C8A: variants seen among roughly 807,000 people sequenced by gnomAD.
C8A encodes the protein complement component C8 alpha chain.
A neutral mutation model predicts 65.3 loss-of-function variants in C8A; 67 were observed. The ratio of observed to expected loss-of-function variants is 1.03; its 90% CI spans 0.84 to 1.26. C8A has a LOEUF of 1.26. C8A is among the 50% of genes most tolerant of loss of function. C8A has a pLI of 0.00. For synonymous variants in C8A, 290 were observed against 259.4 expected (o/e 1.12, Z -1.13); for missense variants, 781 against 723.9 (o/e 1.08, Z -0.90).
intron 1 of C8A, among the ~76,000 whole-genome samples, chr1:56,865,429 G>T (rs1644075931): frequency 6.6e-6 from 1 of 152,192 alleles, no homozygotes; most frequent in Non-Finnish European, 1.5e-5. Flanking sequence ...GGATGTGGGA[G>T]GTCCCTGTGA....
Position 56,908,128 on chromosome 1 carries a change from A to C in C8A, c.1380+15A>C. On this transcript the variant is annotated intron_variant, in intron 9 of 10. Coordinates refer to ENST00000361249, the MANE Select transcript of C8A (RefSeq NM_000562.3). Reference sequence around the variant, plus strand: ...TCGATTTTGAGGTAAGTCTTTTCGCAGTTGAAGAAACTCTACGTCCATGAG... The same window carrying C: ...TCGATTTTGAGGTAAGTCTTTTCGCCGTTGAAGAAACTCTACGTCCATGAG... The C allele has an allele frequency of 6.2e-7, 1 of 1,613,530 alleles. No individual in the cohort carries two copies. Among genetic ancestry groups the C allele is most frequent in the South Asian group, 1.1e-5 (1 of 91,068 alleles).
chr1:56,901,853 C>T (rs1480140395), intron 7 of C8A, among the ~76,000 whole-genome samples: 1 of 152,070 alleles, frequency 6.6e-6, no homozygotes, highest in Non-Finnish European at 1.5e-5. Context: ...GTGTCAGAGT[C>T]CTCCTCGCAC....
At chr1:56,904,372 C>A (rs940095448) in intron 7 of C8A, among the ~76,000 whole-genome samples, 5 of 152,210 alleles carry the variant, frequency 3.3e-5, no homozygotes, top group South Asian at 4.1e-4. Flanking sequence ...GATTGGTCTT[C>A]ATTTAAGATA....
chr1:56,856,369 C>T (rs1434262093), intron 1 of C8A, among the ~76,000 whole-genome samples: 1 of 152,124 alleles, frequency 6.6e-6, no homozygotes, highest in East Asian at 1.9e-4. Context: ...CATGAAAGTA[C>T]TTAGATCAAT....
At chr1:56,894,403 A>G (rs1432346389) in intron 7 of C8A, among the ~76,000 whole-genome samples, 3 of 152,212 alleles carry the variant, frequency 2.0e-5, no homozygotes, top group African/African-American at 7.2e-5. Context: ...AACTCTCATC[A>G]CTATCTTTCA....
intron 6 of C8A, among the ~76,000 whole-genome samples, chr1:56,884,060 G>T (rs1402939838): frequency 6.9e-6 from 1 of 144,388 alleles, no homozygotes; most frequent in African/African-American, 2.7e-5. Context: ...TAGAAGGACT[G>T]GTATGCTAAA....
chr1:56,881,317 C>G, intron 4 of C8A, 128 bp from the exon 5 acceptor site: 6 of 919,624 alleles, frequency 6.5e-6, no homozygotes, highest in Non-Finnish European at 1.1e-5. Context: ...GGGGTACATG[C>G]GCAGGATGTG....
At chr1:56,899,020 G>A (rs1644405946) in intron 7 of C8A, among the ~76,000 whole-genome samples, 3 of 151,966 alleles carry the variant, frequency 2.0e-5, no homozygotes, top group South Asian at 2.1e-4. Flanking sequence ...CCAGTCACCC[G>A]AACAGACAGT....
intron 2 of C8A, among the ~76,000 whole-genome samples, chr1:56,871,318 G>A (rs955250949): frequency 7.9e-5 from 12 of 152,182 alleles, no homozygotes; most frequent in East Asian, 3.9e-4. Flanking sequence ...AAAAGCTTCC[G>A]CGGCTGACCG....
chr1:56,885,342 A>G lies in C8A; in HGVS notation c.856-585A>G, dbSNP rs59567194. Among the ~76,000 whole-genome samples, 242 of 94,646 alleles carry G rather than the reference A, an allele frequency of 2.6e-3. 4 individuals carry two copies. Among genetic ancestry groups the G allele is most frequent in the South Asian group, 0.011 (28 of 2,436 alleles). The allele number at this position is 94,646 out of a possible 152,430, so 62.1% of individuals were successfully genotyped here. On this transcript the variant is annotated intron_variant, in intron 6 of 10. Transcript: ENST00000361249. ...TATATTTATTTAAATATATATTTAC[A>G]TAAATATATATTTATGTAAATATAT...
chr1:56,883,015 G>T (rs1281412876), intron 5 of C8A, among the ~76,000 whole-genome samples: 1 of 150,260 alleles, frequency 6.7e-6, no homozygotes, highest in Non-Finnish European at 1.5e-5. Context: ...AGACAGCAGA[G>T]AAATGAAATC....
At position 56,896,726 on chromosome 1, in the gene C8A, CAT is replaced by C. The variant is rs371447713; in HGVS notation, c.1097-9940_1097-9939del. On this transcript the variant is annotated intron_variant, in intron 7 of 10. Coordinates refer to ENST00000361249, the MANE Select transcript of C8A (RefSeq NM_000562.3). ...AAATTAACCATCATAGGAAGATAGA[CAT>C]GTGGGAAAGCTGGAAGCAGATGTCA... Among the ~76,000 whole-genome samples the C allele has an allele frequency of 3.6e-3, 552 of 152,264 alleles. 3 individuals are homozygous for C. Among genetic ancestry groups the C allele is most frequent in the African/African-American group, 0.013 (533 of 41,558 alleles).
In C8A at chr1:56,908,025, G is replaced by A. The variant is rs1226929156; in HGVS notation, c.1292G>A (p.Ser431Asn). 6.2e-7 allele frequency: 1 copy of A among 1,614,166 alleles called. No homozygotes were observed. Among genetic ancestry groups the A allele is most frequent in the South Asian group, 1.1e-5 (1 of 91,078 alleles). The change falls in exon 9 of 11, where the codon AGC becomes AAC. Residue 431 changes from serine (S) to asparagine (N), a missense_variant. Coordinates refer to ENST00000361249, the MANE Select transcript of C8A (RefSeq NM_000562.3). ...GTGCGAGGTGGCAGTTCTGGCTGGA[G>A]CGGTGGCTTGGCACAGAACAGGAGC... ...SRVRGGSSGW[S>N]GGLAQNRSTI...
At chr1:56,908,981 G>C (rs1211996226) in intron 9 of C8A, among the ~76,000 whole-genome samples, 1 of 152,150 alleles carries the variant, frequency 6.6e-6, no homozygotes, top group Non-Finnish European at 1.5e-5. Context: ...AGGTGTTACT[G>C]GCATCCAGGA....
At chr1:56,912,298 G>T in intron 9 of C8A, 105 bp from the exon 10 acceptor site, 1 of 984,450 alleles carries the variant, frequency 1.0e-6, no homozygotes. Flanking sequence ...CTGTGTCTGT[G>T]CCTGGCATGT....
At chr1:56,875,367 A>G (rs532303222) in intron 3 of C8A, among the ~76,000 whole-genome samples, 2 of 152,308 alleles carry the variant, frequency 1.3e-5, no homozygotes, top group East Asian at 1.9e-4. Flanking sequence ...TTGACCACAT[A>G]TTATGTGCCA....
At chr1:56,907,422 A>C (rs893509867) in intron 8 of C8A, among the ~76,000 whole-genome samples, 2 of 152,108 alleles carry the variant, frequency 1.3e-5, no homozygotes, top group African/African-American at 4.8e-5. Context: ...CTTAAGTCAA[A>C]TTGTTTCTTC....
rs765558711 is a variant in C8A at position 56,908,063 on chromosome 1, C to A, written c.1330C>A (p.Arg444Ser). The change falls in exon 9 of 11, where the codon CGT becomes AGT. Residue 444 changes from arginine (R) to serine (S), a missense_variant. Physicochemically the swap from Arg to Ser is moderately radical, Grantham distance 110. Transcript: ENST00000361249. ...LAQNRSTITY[R>S]SWGRSLKYNP... Reference sequence around the variant, plus strand: ...ACAGAACAGGAGCACCATTACATACCGTTCCTGGGGGAGGTCATTAAAGTA... The same window carrying A: ...ACAGAACAGGAGCACCATTACATACAGTTCCTGGGGGAGGTCATTAAAGTA... 6.2e-7 allele frequency: 1 copy of A among 1,614,090 alleles called. No homozygotes were observed. The highest frequency in any genetic ancestry group is 1.7e-5 in the Admixed American group (1 of 60,010).
chr1:56,880,635 A>G lies in C8A; in HGVS notation c.465-810A>G, dbSNP rs1430779024. Among the ~76,000 whole-genome samples, 6 of 152,256 alleles carry G rather than the reference A, an allele frequency of 3.9e-5. 1 individual carries two copies. The South Asian group carries it at 8.3e-4, about 21-fold the overall frequency. ...TTCTGAGGATTAGAGTCTCAACCTTAGCACTATGAATTGCATCCAATATTT... is the reference window on the plus strand; with the variant it reads ...TTCTGAGGATTAGAGTCTCAACCTTGGCACTATGAATTGCATCCAATATTT... On this transcript the variant is annotated intron_variant, in intron 4 of 10. Transcript: ENST00000361249.
Sources: gnomAD v4.1 joint callset for allele counts (sites outside exome capture counted in the v4.1 genomes callset) on GRCh38, gnomAD v4.1.1 for gene constraint, MANE v1.5 for transcripts, NCBI Gene and HGNC (gene_info 2026-07-23, HGNC 2026-07-21) for gene names.